The following XKR9 variants were observed in gnomAD, a reference collection of about 807,000 sequenced individuals.
XKR9 encodes the protein XK related 9.
In XKR9, 32 loss-of-function variants were observed where a neutral mutation model predicts 32.0. That is an observed-to-expected ratio of 1.00 (90% CI 0.76 to 1.34). The LOEUF (loss-of-function observed/expected upper bound fraction) is 1.34. XKR9 is among the 40% of genes most tolerant of loss of function. XKR9 has a pLI of 0.00. For synonymous variants in XKR9, 168 were observed against 143.4 expected (o/e 1.17, Z -1.22); for missense variants, 546 against 429.7 (o/e 1.27, Z -2.39).
At chr8:70,988,741 A>G in the XKR9 span, among the ~76,000 whole-genome samples, 12 of 152,342 alleles carry the variant, frequency 7.9e-5, no homozygotes, top group South Asian at 4.1e-4. Context: ...TGTTAAGTAT[A>G]TTGACATTGT....
chr8:70,687,537 T>C (rs1819344700), intron 3 of XKR9, among the ~76,000 whole-genome samples: 1 of 151,996 alleles, frequency 6.6e-6, no homozygotes, highest in African/African-American at 2.4e-5. Flanking sequence ...GTCTGGCTAA[T>C]TTTTTATTTT....
chr8:70,871,010 A>G, the XKR9 span, among the ~76,000 whole-genome samples: 1 of 152,196 alleles, frequency 6.6e-6, no homozygotes, highest in Non-Finnish European at 1.5e-5. Context: ...GTGTTGTTAT[A>G]TTCTCCAGAA....
the XKR9 span, among the ~76,000 whole-genome samples, chr8:70,879,188 C>T: frequency 1.3e-5 from 2 of 152,138 alleles, no homozygotes; most frequent in African/African-American, 4.8e-5. Flanking sequence ...GCACTAAATA[C>T]TCCCAAGAGA....
the XKR9 span, among the ~76,000 whole-genome samples, chr8:70,964,331 A>AT: frequency 6.6e-6 from 1 of 152,116 alleles, no homozygotes; most frequent in Admixed American, 6.5e-5. Context: ...CTATGTGTCC[A>AT]TTTTTGTACC....
At chr8:70,719,863 C>T (rs954655691) in intron 4 of XKR9, among the ~76,000 whole-genome samples, 1 of 152,030 alleles carries the variant, frequency 6.6e-6, no homozygotes, top group Non-Finnish European at 1.5e-5. Flanking sequence ...ATTCAAATAA[C>T]ATTGAATCTA....
At chr8:70,843,304 T>G in the XKR9 span, among the ~76,000 whole-genome samples, 8 of 152,244 alleles carry the variant, frequency 5.3e-5, no homozygotes, top group Non-Finnish European at 1.5e-5. Flanking sequence ...CTTAGAATAA[T>G]GTCTGATAGT....
At chr8:70,706,757 G>T (rs1805729725) in intron 3 of XKR9, among the ~76,000 whole-genome samples, 176 bp from the exon 4 acceptor site, 1 of 152,036 alleles carries the variant, frequency 6.6e-6, no homozygotes, top group South Asian at 2.1e-4. Flanking sequence ...GGTTTACAGG[G>T]TCTGAATCTC....
At chr8:70,814,823 G>A in the XKR9 span, among the ~76,000 whole-genome samples, 4 of 152,226 alleles carry the variant, frequency 2.6e-5, no homozygotes, top group East Asian at 7.7e-4. Context: ...CTTCACTGAT[G>A]GTACAATCTT....
the XKR9 span, among the ~76,000 whole-genome samples, chr8:70,957,684 C>A: frequency 6.6e-6 from 1 of 152,010 alleles, no homozygotes. Flanking sequence ...TGGCTTCCAG[C>A]TCCATTCACA....
At chr8:70,769,463 C>T (rs945513151) in intron 2 of XKR9, among the ~76,000 whole-genome samples, 6 of 151,898 alleles carry the variant, frequency 4.0e-5, no homozygotes, top group African/African-American at 1.2e-4. Context: ...CCCTGTATTT[C>T]CTGAATTTGA....
the XKR9 span, among the ~76,000 whole-genome samples, chr8:70,803,075 T>A: frequency 6.6e-6 from 1 of 152,190 alleles, no homozygotes; most frequent in African/African-American, 2.4e-5. Context: ...TCTCCCTCTC[T>A]TTTAGGGTTG....
the XKR9 span, among the ~76,000 whole-genome samples, chr8:70,837,724 T>C: frequency 6.6e-6 from 1 of 152,114 alleles, no homozygotes; most frequent in African/African-American, 2.4e-5. Flanking sequence ...TTATTGTTAC[T>C]CTTGGATTTC....
intron 2 of XKR9, among the ~76,000 whole-genome samples, chr8:70,758,190 G>A (rs1008711214): frequency 1.4e-5 from 1 of 70,268 alleles, no homozygotes; most frequent in Non-Finnish European, 4.6e-5. Context: ...CTGCCCCTAC[G>A]TTGTTAAGCC....
chr8:70,744,550 A>G (rs1394935043), intron 2 of XKR9, among the ~76,000 whole-genome samples: 1 of 152,194 alleles, frequency 6.6e-6, no homozygotes, highest in African/African-American at 2.4e-5. Flanking sequence ...TTGTGAAACC[A>G]TGCTATCTTT....
intron 2 of XKR9, among the ~76,000 whole-genome samples, chr8:70,781,862 A>G (rs1264809586): frequency 1.3e-5 from 2 of 152,204 alleles, no homozygotes; most frequent in Non-Finnish European, 2.9e-5. Context: ...TAAAATATTT[A>G]TGCGGATTAC....
intron 3 of XKR9, chr8:70,683,734 C>G (rs1819164020): frequency 6.6e-6 from 2 of 303,662 alleles, no homozygotes. Context: ...GTGATCCACC[C>G]ACCTTGGCCT....
At chr8:70,765,192 A>C (rs1167240095) in intron 2 of XKR9, among the ~76,000 whole-genome samples, 1 of 152,176 alleles carries the variant, frequency 6.6e-6, no homozygotes, top group Non-Finnish European at 1.5e-5. Flanking sequence ...TGGTTGAACT[A>C]ATTTACACTC....
chr8:70,845,962 G>A, the XKR9 span, among the ~76,000 whole-genome samples: 8 of 152,050 alleles, frequency 5.3e-5, no homozygotes, highest in Non-Finnish European at 1.0e-4. Context: ...AGATCCCCGA[G>A]TAGATACAAC....
chr8:71,029,081 C>T, the XKR9 span, among the ~76,000 whole-genome samples: 7 of 152,142 alleles, frequency 4.6e-5, no homozygotes, highest in African/African-American at 1.7e-4. Context: ...CAGGACCCCA[C>T]GTGAGCTGTT....
Sources: gnomAD v4.1 joint callset for allele counts (sites outside exome capture counted in the v4.1 genomes callset) on GRCh38, gnomAD v4.1.1 for gene constraint, MANE v1.5 for transcripts, NCBI Gene and HGNC (gene_info 2026-07-23, HGNC 2026-07-21) for gene names.